Variants in ANXA3 observed in about 807,000 individuals in gnomAD.
ANXA3 encodes the protein annexin A3.
A neutral mutation model predicts 48.8 loss-of-function variants in ANXA3; 46 were observed. The observed-to-expected ratio is 0.94, with a 90% CI of 0.74 to 1.21. The LOEUF is 1.21. Ranked by LOEUF, ANXA3 falls within the 50% of genes most tolerant of loss-of-function variation. The pLI is 0.00. For missense variants in ANXA3, 383 were observed against 378.6 expected (o/e 1.01, Z -0.10); for synonymous variants, 128 against 134.7 (o/e 0.95, Z 0.35).
chr4:78,575,583 T>C (rs1578395469), intron 3 of ANXA3, among the ~76,000 whole-genome samples: 1 of 152,344 alleles, frequency 6.6e-6, no homozygotes, highest in East Asian at 1.9e-4. Context: ...ACCATGATTG[T>C]GAGGCTTCCC....
intron 6 of ANXA3, among the ~76,000 whole-genome samples, chr4:78,589,104 G>A (rs776525834): frequency 2.0e-5 from 3 of 152,124 alleles, no homozygotes; most frequent in Admixed American, 1.3e-4. Flanking sequence ...GAGGATTTTC[G>A]TCTATGTTGT....
chr4:78,596,809 A>G (rs974955744), intron 9 of ANXA3, among the ~76,000 whole-genome samples: 1 of 152,216 alleles, frequency 6.6e-6, no homozygotes, highest in Non-Finnish European at 1.5e-5. Flanking sequence ...TGACATATGT[A>G]CAGGTTTTGC....
intron 6 of ANXA3, 114 bp downstream of exon 6, chr4:78,586,464 A>G (rs1723181033): frequency 1.4e-6 from 1 of 696,434 alleles, no homozygotes; most frequent in East Asian, 2.8e-5. Context: ...CAAGACTTAC[A>G]GAAACGAGAA....
Position 78,596,152 on chromosome 4 carries a change from G to A in ANXA3, c.634+265G>A, listed in dbSNP as rs114793702. On this transcript the variant is annotated intron_variant, in intron 9 of 12. Coordinates refer to ENST00000264908, the MANE Select transcript of ANXA3 (RefSeq NM_005139.3). ...GAGGGAGGTGGCAGGGAGAAGAAAA[G>A]AGGCCACCCTCTAGGGTGAGAGTAG... 4.6e-4 allele frequency among the ~76,000 whole-genome samples: 70 copies of A among 152,286 alleles called. 1 individual carries two copies. The East Asian group carries it at 0.013, about 28-fold the overall frequency.
At chr4:78,584,683 C>T (rs1181133912) in intron 5 of ANXA3, among the ~76,000 whole-genome samples, 1 of 152,166 alleles carries the variant, frequency 6.6e-6, no homozygotes, top group African/African-American at 2.4e-5. Flanking sequence ...CCATATTCTG[C>T]CTTGCCATCA....
rs199729154 is a variant in ANXA3 at position 78,605,501 on chromosome 4, GA to G, written c.912+1103del. On this transcript the variant is annotated intron_variant, in intron 12 of 12. Transcript: ENST00000264908. ...TCTAAGACGTTTTTCACATAAGGTA[GA>G]TTAGCCTTTTGTCTGGTCATATTTT... 2.0e-5 allele frequency among the ~76,000 whole-genome samples: 3 copies of G among 152,134 alleles called. No homozygotes were observed. In the East Asian group the frequency reaches 5.8e-4, roughly 29 times the overall value.
At chr4:78,595,227 G>T (rs9307408) in intron 7 of ANXA3, among the ~76,000 whole-genome samples, 154 bp from the exon 8 acceptor site, 6,165 of 152,206 alleles carry the variant, frequency 0.041, 409 homozygotes, top group African/African-American at 0.14. Flanking sequence ...CTAGTCAATG[G>T]CAGAACCAGA....
intron 10 of ANXA3, among the ~76,000 whole-genome samples, chr4:78,601,206 AGGTGTTCGG>A (rs1250346364): frequency 1.3e-5 from 2 of 152,164 alleles, no homozygotes; most frequent in Non-Finnish European, 2.9e-5. Flanking sequence ...GGGAAAGCGT[AGGTGTTCGG>A]GGTGTCTGGG....
intron 3 of ANXA3, among the ~76,000 whole-genome samples, chr4:78,576,290 C>G (rs1168905713): frequency 2.0e-5 from 3 of 151,816 alleles, no homozygotes; most frequent in African/African-American, 7.3e-5. Flanking sequence ...GTTATTTCTT[C>G]ATTTATCTCT....
At position 78,604,282 on chromosome 4, in the gene ANXA3, T is replaced by G; in HGVS notation, c.795T>G (p.Ile265Met). ...AERLHRALKG[I>M]GTDEFTLNRI... The stretch of plus-strand genomic sequence containing the variant: ...ACACCTGCATTCCTTAACAGGGTAT[T>G]GGAACTGATGAGTTTACTCTGAACC... The change falls in exon 12 of 13, where the codon ATT (isoleucine) becomes ATG (methionine). Residue 265 changes from isoleucine to methionine, a missense_variant. By Grantham distance (10) the Ile-to-Met change is conservative. Coordinates refer to ENST00000264908, the MANE Select transcript of ANXA3 (RefSeq NM_005139.3). The G allele has an allele frequency of 3.1e-6, 5 of 1,610,270 alleles. No homozygotes were observed. Among genetic ancestry groups the G allele is most frequent in the Non-Finnish European group, 4.2e-6 (5 of 1,177,444 alleles).
chr4:78,559,358 C>G (rs1481112792), intron 2 of ANXA3, among the ~76,000 whole-genome samples: 3 of 152,170 alleles, frequency 2.0e-5, no homozygotes, highest in African/African-American at 7.2e-5. Flanking sequence ...GTTGGGATTA[C>G]AGGTGTGAGC....
intron 12 of ANXA3, among the ~76,000 whole-genome samples, chr4:78,606,455 G>A (rs1015697959): frequency 6.6e-6 from 1 of 152,170 alleles, no homozygotes; most frequent in African/African-American, 2.4e-5. Flanking sequence ...CTACAAGGCT[G>A]GAGCACTACC....
At chr4:78,563,301 C>G (rs945797079) in intron 2 of ANXA3, among the ~76,000 whole-genome samples, 6 of 152,186 alleles carry the variant, frequency 3.9e-5, no homozygotes, top group African/African-American at 1.4e-4. Flanking sequence ...TCACAGGTTT[C>G]TCATCCTCAT....
intron 10 of ANXA3, among the ~76,000 whole-genome samples, chr4:78,599,699 A>G (rs192763453): frequency 8.2e-4 from 125 of 152,284 alleles, no homozygotes; most frequent in African/African-American, 2.8e-3. Flanking sequence ...TCCAATGGCA[A>G]TGATAGAACT....
At chr4:78,584,877 G>A (rs943268686) in intron 5 of ANXA3, among the ~76,000 whole-genome samples, 1 of 152,248 alleles carries the variant, frequency 6.6e-6, no homozygotes, top group African/African-American at 2.4e-5. Context: ...TATGAGAGGA[G>A]AGAGGAGAGG....
intron 4 of ANXA3, among the ~76,000 whole-genome samples, chr4:78,580,983 A>G (rs1560445678): frequency 1.3e-5 from 2 of 152,222 alleles, no homozygotes; most frequent in Non-Finnish European, 1.5e-5. Context: ...GTGGAGGGGA[A>G]CAACCATTTC....
intron 3 of ANXA3, among the ~76,000 whole-genome samples, chr4:78,576,111 A>G (rs970776418): frequency 6.6e-6 from 1 of 152,198 alleles, no homozygotes; most frequent in African/African-American, 2.4e-5. Context: ...TTTTATAATG[A>G]CACTAAATAT....
chr4:78,570,850 A>ACTGGAAGGTGT (rs1398255253), intron 2 of ANXA3, among the ~76,000 whole-genome samples: 1 of 152,240 alleles, frequency 6.6e-6, no homozygotes, highest in Non-Finnish European at 1.5e-5. Context: ...AATGCCAGAC[A>ACTGGAAGGTGT]CTGGAAGGTG....
intron 5 of ANXA3, among the ~76,000 whole-genome samples, chr4:78,583,097 G>A (rs1302560024): frequency 6.6e-6 from 1 of 152,150 alleles, no homozygotes; most frequent in African/African-American, 2.4e-5. Flanking sequence ...CCAATACTTT[G>A]GGAGGCCAAG....
Sources: gnomAD v4.1 joint callset for allele counts (sites outside exome capture counted in the v4.1 genomes callset) on GRCh38, gnomAD v4.1.1 for gene constraint, MANE v1.5 for transcripts, NCBI Gene and HGNC (gene_info 2026-07-23, HGNC 2026-07-21) for gene names.